The following TRMT44 variants were observed in gnomAD, a reference collection of about 807,000 sequenced individuals.
TRMT44 encodes the protein tRNA methyltransferase 44 homolog.
TRMT44 carries 78 observed loss-of-function variants against 77.3 expected under a neutral mutation model. The ratio of observed to expected loss-of-function variants is 1.01; its 90% confidence interval spans 0.84 to 1.22. TRMT44 has a LOEUF of 1.22. Among genes scored for constraint, TRMT44 ranks in the 50% most tolerant of loss-of-function variants. The pLI is 0.00. For synonymous variants in TRMT44, 391 were observed against 383.3 expected, an observed-to-expected ratio of 1.02 and a Z score of -0.23; for missense variants, 1,090 against 964.4, an observed-to-expected ratio of 1.13 and a Z score of -1.73.
At chr4:8,469,390 G>T (rs1379587673) in intron 9 of TRMT44, among the ~76,000 whole-genome samples, 1 of 152,210 alleles carries the variant, frequency 6.6e-6, no homozygotes, top group African/African-American at 2.4e-5. Flanking sequence ...GAGGAAGAAG[G>T]CTGAGGCTGG....
At chr4:8,486,163 C>T (rs1727796979) in intron 2 of TRMT44, among the ~76,000 whole-genome samples, 1 of 152,180 alleles carries the variant, frequency 6.6e-6, no homozygotes, top group South Asian at 2.1e-4. Flanking sequence ...TGGGGTCCCG[C>T]ACAGATGGGA....
Position 8,454,723 on chromosome 4 carries a change from CT to C in TRMT44, c.1132-18del, listed in dbSNP as rs113669518. The C allele has an allele frequency of 0.014, 22,271 of 1,613,368 alleles. 382 individuals carry two copies. The highest frequency in any genetic ancestry group is 0.066 in the African/African-American group (4,914 of 75,022). On this transcript the variant is annotated intron_variant, in intron 5 of 10. Coordinates refer to ENST00000389737, the MANE Select transcript of TRMT44 (RefSeq NM_152544.3). ...AAGTACTAAGGTTAACCTTTGATTT[CT>C]AAAATTAATTTTTTCAGCATCCAGG...
chr4:8,443,173 A>G (rs1436679721), intron 1 of TRMT44, among the ~76,000 whole-genome samples: 2 of 152,026 alleles, frequency 1.3e-5, no homozygotes, highest in Non-Finnish European at 2.9e-5. Context: ...AGTCCAGTCT[A>G]GTTTAGGAGT....
Position 8,452,125 on chromosome 4 carries a change from G to GT in TRMT44, c.1023+97_1023+98insT. Reference sequence around the variant, plus strand: ...AAGGACATTTTCCAAATCCATAACTGCCGGTGCTCACAATTCTGCTGGCCA... The same window carrying GT: ...AAGGACATTTTCCAAATCCATAACTGTCCGGTGCTCACAATTCTGCTGGCCA... On this transcript the variant is annotated intron_variant, in intron 4 of 10. Transcript: ENST00000389737. The surrounding 1 kb of genome is among the most constrained non-coding windows in gnomAD (Gnocchi z 5.7). The GT allele has an allele frequency of 1.8e-6, 2 of 1,119,626 alleles. No individual in the cohort carries two copies. Among genetic ancestry groups the GT allele is most frequent in the East Asian group, 5.2e-5 (2 of 38,460 alleles). 69.4% of individuals were successfully genotyped at this position (1,119,626 alleles called of 1,614,324 possible).
chr4:8,510,217 C>T, the TRMT44 span: 328 of 152,776 alleles, frequency 2.1e-3, no homozygotes, highest in South Asian at 2.1e-3. Context: ...AGGGCTGGGT[C>T]CTCCTGGAGA....
chr4:8,475,526 G>GCAGGGCTGCCGCT (rs1560243516), intron 10 of TRMT44, among the ~76,000 whole-genome samples: 1 of 152,154 alleles, frequency 6.6e-6, no homozygotes. Flanking sequence ...CTGGGTCTGC[G>GCAGGGCTGCCGCT]CAGGGCTGCC....
At chr4:8,496,752 C>A (rs552051673), downstream of TRMT44, among the ~76,000 whole-genome samples, 1 of 151,742 alleles carries the variant, frequency 6.6e-6, no homozygotes, top group South Asian at 2.1e-4. Context: ...AAATTTTCGC[C>A]TCTAGGGTAA....
chr4:8,491,027 T>C (rs1416616333), intron 2 of TRMT44, among the ~76,000 whole-genome samples: 1 of 152,118 alleles, frequency 6.6e-6, no homozygotes, highest in Non-Finnish European at 1.5e-5. Flanking sequence ...CACAGGATGC[T>C]GATTGGTGTG....
intron 6 of TRMT44, among the ~76,000 whole-genome samples, chr4:8,463,142 A>G (rs767550992): frequency 7.9e-5 from 12 of 152,210 alleles, no homozygotes; most frequent in Non-Finnish European, 1.5e-4. Flanking sequence ...CTTCCCCATT[A>G]TGATCAGGGA....
chr4:8,447,741 G>A (rs1253442598), intron 2 of TRMT44, among the ~76,000 whole-genome samples: 1 of 152,226 alleles, frequency 6.6e-6, no homozygotes, highest in Non-Finnish European at 1.5e-5. Context: ...CGAGTTGTCA[G>A]GGGATCCTGC....
At chr4:8,491,473 G>C (rs572776296) in intron 2 of TRMT44, among the ~76,000 whole-genome samples, 2 of 152,222 alleles carry the variant, frequency 1.3e-5, no homozygotes, top group Non-Finnish European at 2.9e-5. Context: ...GGTGCTCGTC[G>C]GGGAGGCTCG....
At position 8,451,197 on chromosome 4, in the gene TRMT44, G is replaced by C. The variant is rs1725426498; in HGVS notation, c.955-763G>C. On this transcript the variant is annotated intron_variant, in intron 3 of 10. Transcript: ENST00000389737. This position sits in a 1 kb window ranked among gnomAD's most constrained non-coding sequence, Gnocchi z 4.1. Reference sequence around the variant, plus strand: ...CCCCGGGGTTGGCTGACTGAGGCTGGGCTCCCTCCCACATCCTGGCCTCGT... The same window carrying C: ...CCCCGGGGTTGGCTGACTGAGGCTGCGCTCCCTCCCACATCCTGGCCTCGT... 6.6e-6 allele frequency among the ~76,000 whole-genome samples: 1 copy of C among 152,040 alleles called. No homozygotes were observed. The highest frequency in any genetic ancestry group is 2.1e-4 in the South Asian group (1 of 4,818).
intron 2 of TRMT44, among the ~76,000 whole-genome samples, chr4:8,487,827 G>C (rs1029168531): frequency 6.6e-6 from 1 of 152,154 alleles, no homozygotes; most frequent in African/African-American, 2.4e-5. Flanking sequence ...GAAAGACCAA[G>C]GCAGGCGTCC....
At chr4:8,449,951 T>TTTATTTTC in intron 3 of TRMT44, 63 bp downstream of exon 3, 1 of 274,312 alleles carries the variant, frequency 3.6e-6, no homozygotes, top group Non-Finnish European at 5.3e-6. Context: ...TTTCTTTTCT[T>TTTATTTTC]TTTTTTTTTT....
chr4:8,452,082 C>G lies in TRMT44; in HGVS notation c.1023+54C>G. On this transcript the variant is annotated intron_variant, in intron 4 of 10. Coordinates refer to ENST00000389737, the MANE Select transcript of TRMT44 (RefSeq NM_152544.3). This position sits in a 1 kb window ranked among gnomAD's most constrained non-coding sequence, Gnocchi z 5.7. Reference sequence around the variant, plus strand: ...TGGAGTGGGTGGAGTTTGCTACAGGCAGATGTTCCCTGTAGTGAAGGACAT... The same window carrying G: ...TGGAGTGGGTGGAGTTTGCTACAGGGAGATGTTCCCTGTAGTGAAGGACAT... The G allele has an allele frequency of 7.0e-7, 1 of 1,420,574 alleles. No individual in the cohort carries two copies. The allele number at this position is 1,420,574 out of a possible 1,614,324, so 88.0% of individuals were successfully genotyped here. A position where few individuals can be genotyped will look rare whatever the true frequency, so the allele number is the denominator to read the frequency against.
chr4:8,468,113 G>A lies in TRMT44; in HGVS notation c.1694G>A (p.Gly565Glu), dbSNP rs141406474. ...CAGCAAGCTCTGGACGCCAGGGTCG[G>A]GTGTGTAACCAGGGCCTGGGCCGCT... is the stretch of plus-strand genomic sequence containing the variant. Reference protein sequence around the residue: ...DGQQALDARVGCVTRAWAAEH... With the variant: ...DGQQALDARVECVTRAWAAEH... Residue 565 changes from glycine to glutamate, a missense_variant, in exon 9 of 11, where the codon GGG becomes GAG. By Grantham distance (98) the Gly-to-Glu change is moderately conservative. Coordinates refer to ENST00000389737, the MANE Select transcript of TRMT44 (RefSeq NM_152544.3). The A allele has an allele frequency of 1.2e-4, 191 of 1,613,910 alleles. No homozygotes were observed. The highest frequency in any genetic ancestry group is 8.1e-5 in the Non-Finnish European group (95 of 1,179,976).
Position 8,471,166 on chromosome 4 carries a change from G to A in TRMT44, c.2010G>A (p.Gln670=). The change falls in exon 10 of 11, where the codon CAG becomes CAA. Residue 670 remains glutamine, a synonymous_variant. Transcript: ENST00000389737. The stretch of plus-strand genomic sequence containing the variant: ...TGAAGCGGGAGTGTGGGGGCCTGCA[G>A]ACGCTGCTCCGGAACAGCCACCAGG... The part of the protein sequence containing the change: ...RRLKRECGGL[Q]TLLRNSHQVF... 1 of 1,608,088 alleles carries A rather than the reference G, an allele frequency of 6.2e-7. No individual in the cohort carries two copies. Among genetic ancestry groups the A allele is most frequent in the Non-Finnish European group, 8.5e-7 (1 of 1,177,196 alleles).
At chr4:8,464,182 C>A in intron 7 of TRMT44, 91 bp downstream of exon 7, 1 of 962,324 alleles carries the variant, frequency 1.0e-6, no homozygotes, top group Non-Finnish European at 1.6e-6. Context: ...TAGCTGCGTG[C>A]AGTTGTCAAG....
At chr4:8,486,345 G>A (rs187582740) in intron 2 of TRMT44, among the ~76,000 whole-genome samples, 1 of 152,226 alleles carries the variant, frequency 6.6e-6, no homozygotes, top group African/African-American at 2.4e-5. Flanking sequence ...TTGTCTCACA[G>A]TGGAGGCAAG....
Sources: gnomAD v4.1 joint callset for allele counts (sites outside exome capture counted in the v4.1 genomes callset) on GRCh38, gnomAD v4.1.1 for gene constraint, Gnocchi (gnomAD v3.1) non-coding constraint, MANE v1.5 for transcripts, NCBI Gene and HGNC (gene_info 2026-07-23, HGNC 2026-07-21) for gene names.